The following VTI1A variants were observed in gnomAD, a reference collection of about 807,000 sequenced individuals.
VTI1A encodes the protein vesicle transport through interaction with t-SNAREs homolog 1A.
VTI1A carries 22 observed loss-of-function variants against 34.9 expected under a neutral mutation model. That is an observed-to-expected ratio of 0.63 (90% CI 0.45 to 0.90). The LOEUF (loss-of-function observed/expected upper bound fraction) is 0.90. VTI1A is among the 40% of genes least tolerant of loss of function. The probability of loss-of-function intolerance (pLI) is 0.00; values close to 1 mark genes in which losing one functional copy is unlikely to be tolerated. For missense variants in VTI1A, 268 were observed against 275.6 expected (o/e 0.97, Z 0.20); for synonymous variants, 87 against 97.3 (o/e 0.89, Z 0.62).
intron 7 of VTI1A, among the ~76,000 whole-genome samples, chr10:112,810,746 C>T (rs1054620358): frequency 2.0e-5 from 3 of 152,288 alleles, no homozygotes; most frequent in South Asian, 2.1e-4. Context: ...AATAGGGAAA[C>T]GAACGCAGCC....
chr10:112,652,289 A>T (rs1423402517), intron 5 of VTI1A, among the ~76,000 whole-genome samples: 1 of 152,204 alleles, frequency 6.6e-6, no homozygotes, highest in Non-Finnish European at 1.5e-5. Flanking sequence ...CTAGAGCGGT[A>T]CACTTCAGTC....
intron 3 of VTI1A, among the ~76,000 whole-genome samples, chr10:112,520,759 T>C (rs1476007461): frequency 6.6e-6 from 1 of 151,726 alleles, no homozygotes; most frequent in African/African-American, 2.4e-5. Context: ...TGGTATAATT[T>C]ATCTTATTGT....
intron 1 of VTI1A, among the ~76,000 whole-genome samples, chr10:112,454,850 G>A (rs1220042138): frequency 1.3e-5 from 2 of 151,900 alleles, no homozygotes; most frequent in Non-Finnish European, 2.9e-5. Flanking sequence ...ATTAGTTGTT[G>A]AACTTTCAGG....
In VTI1A at chr10:112,815,958, G is replaced by A. The variant is rs1314531870; in HGVS notation, c.*575G>A. 8.7e-6 allele frequency: 2 copies of A among 229,694 alleles called. No individual in the cohort carries two copies. Among genetic ancestry groups the A allele is most frequent in the Non-Finnish European group, 1.7e-5 (2 of 116,042 alleles). The allele number at this position is 229,694 out of a possible 1,614,324, so 14.2% of individuals were successfully genotyped here. A position where few individuals can be genotyped will look rare whatever the true frequency, so the allele number is the denominator to read the frequency against. On this transcript the variant is annotated 3_prime_UTR_variant, in exon 8 of 8. Coordinates refer to ENST00000393077, the MANE Select transcript of VTI1A (RefSeq NM_145206.4). ...GTCGGTTGTACAGGAAATTGACTTA[G>A]CACTTTCCCTGTTTTTCTATTGCAT...
At chr10:112,481,961 T>C (rs899599724) in intron 3 of VTI1A, among the ~76,000 whole-genome samples, 2 of 152,224 alleles carry the variant, frequency 1.3e-5, no homozygotes, top group Non-Finnish European at 2.9e-5. Flanking sequence ...TGAAGTTCCT[T>C]TTGTGGCTAG....
intron 7 of VTI1A, among the ~76,000 whole-genome samples, chr10:112,775,922 A>T (rs1851943487): frequency 6.6e-6 from 1 of 152,238 alleles, no homozygotes; most frequent in South Asian, 2.1e-4. Context: ...TTTTGAAAGA[A>T]TAAACAGTTC....
At chr10:112,693,267 CG>C (rs1848666308) in intron 7 of VTI1A, among the ~76,000 whole-genome samples, 1 of 152,098 alleles carries the variant, frequency 6.6e-6, no homozygotes, top group Admixed American at 6.6e-5. Context: ...ACTTAACTGG[CG>C]GGGCGTGATG....
intron 5 of VTI1A, among the ~76,000 whole-genome samples, chr10:112,572,816 G>C (rs1852192131): frequency 6.7e-6 from 1 of 149,484 alleles, no homozygotes; most frequent in Admixed American, 6.7e-5. Flanking sequence ...TCCAGACTGG[G>C]CGACAGAGCG....
intron 5 of VTI1A, among the ~76,000 whole-genome samples, chr10:112,621,313 T>C (rs541570149): frequency 6.6e-6 from 1 of 152,322 alleles, no homozygotes; most frequent in Admixed American, 6.5e-5. Flanking sequence ...GAAGTAACAT[T>C]CCTTTTTTAC....
Position 112,718,982 on chromosome 10 carries a change from G to A in VTI1A, c.560+49984G>A, listed in dbSNP as rs1409951693. On this transcript the variant is annotated intron_variant, in intron 7 of 7. Coordinates refer to ENST00000393077, the MANE Select transcript of VTI1A (RefSeq NM_145206.4). ...GAATTTGTGTCTGCTTTCATTCACA[G>A]AGCAAACTAGAGGTCAGTGTTTTCA... 2.6e-5 allele frequency among the ~76,000 whole-genome samples: 4 copies of A among 152,334 alleles called. No homozygotes were observed. In the East Asian group the frequency reaches 5.8e-4, roughly 22 times the overall value.
chr10:112,818,159 T>G lies in VTI1A; in HGVS notation c.*2776T>G, dbSNP rs1373776227. ...ATTTTGGAACCAGCTTGGTGGGGGG[T>G]TTGCTTTGCTACTGCTTCTGAGCCC... On this transcript the variant is annotated 3_prime_UTR_variant, in exon 8 of 8. Transcript: ENST00000393077. 4.3e-6 allele frequency: 1 copy of G among 233,202 alleles called. No individual in the cohort carries two copies. The highest frequency in any genetic ancestry group is 2.2e-5 in the African/African-American group (1 of 45,240). 14.4% of individuals were successfully genotyped at this position (233,202 alleles called of 1,614,324 possible).
chr10:112,687,672 G>C (rs1359876369), intron 7 of VTI1A, among the ~76,000 whole-genome samples: 1 of 152,016 alleles, frequency 6.6e-6, no homozygotes, highest in African/African-American at 2.4e-5. Flanking sequence ...CCATCTCTGG[G>C]CACTGGGGTT....
chr10:112,812,323 C>G (rs1436889788), intron 7 of VTI1A, among the ~76,000 whole-genome samples: 1 of 152,226 alleles, frequency 6.6e-6, no homozygotes, highest in Non-Finnish European at 1.5e-5. Context: ...TCCCCTTGCC[C>G]AAAGTTAGGA....
At chr10:112,596,476 A>T (rs544451238) in intron 5 of VTI1A, among the ~76,000 whole-genome samples, 2 of 152,262 alleles carry the variant, frequency 1.3e-5, no homozygotes, top group East Asian at 3.9e-4. Context: ...TGGGGTTTTT[A>T]AAACTATTTA....
At chr10:112,616,072 A>C (rs1845504105) in intron 5 of VTI1A, among the ~76,000 whole-genome samples, 1 of 152,210 alleles carries the variant, frequency 6.6e-6, no homozygotes, top group South Asian at 2.1e-4. Context: ...ACTGGATATT[A>C]GATAAAAGTT....
chr10:112,499,497 A>G (rs1031733574), intron 3 of VTI1A, among the ~76,000 whole-genome samples: 4 of 152,144 alleles, frequency 2.6e-5, no homozygotes, highest in Admixed American at 2.0e-4. Flanking sequence ...ATGTCTATAG[A>G]TTAACGACTT....
intron 7 of VTI1A, among the ~76,000 whole-genome samples, chr10:112,790,253 C>T (rs898996015): frequency 1.3e-5 from 2 of 152,166 alleles, no homozygotes; most frequent in Non-Finnish European, 2.9e-5. Flanking sequence ...GGCTTACATC[C>T]TCTGCAGTGA....
intron 5 of VTI1A, among the ~76,000 whole-genome samples, chr10:112,640,162 T>C (rs1352190474): frequency 6.6e-6 from 1 of 152,186 alleles, no homozygotes; most frequent in East Asian, 1.9e-4. Context: ...CATTTAAAAA[T>C]TCAGCATTTT....
intron 7 of VTI1A, among the ~76,000 whole-genome samples, chr10:112,702,128 A>T (rs1174057992): frequency 6.6e-6 from 1 of 152,190 alleles, no homozygotes; most frequent in Non-Finnish European, 1.5e-5. Flanking sequence ...GGGGTGCAGC[A>T]GTCCAACCTG....
Sources: gnomAD v4.1 joint callset for allele counts (sites outside exome capture counted in the v4.1 genomes callset) on GRCh38, gnomAD v4.1.1 for gene constraint, MANE v1.5 for transcripts, NCBI Gene and HGNC (gene_info 2026-07-23, HGNC 2026-07-21) for gene names.